NKAIN2: variants seen among roughly 807,000 people sequenced by gnomAD.
NKAIN2 encodes sodium/potassium-transporting ATPase subunit beta-1-interacting protein 2.
NKAIN2 carries 14 observed loss-of-function variants against 32.6 expected under a neutral mutation model. The observed-to-expected ratio is 0.43, with a 90% CI of 0.28 to 0.67. NKAIN2 has a LOEUF of 0.67. Among genes scored for constraint, NKAIN2 ranks in the 30% least tolerant of loss-of-function variants. The pLI is 0.17. For missense variants in NKAIN2, 198 were observed against 258.3 expected, an observed-to-expected ratio of 0.77 and a Z score of 1.60; for synonymous variants, 80 against 87.2, an observed-to-expected ratio of 0.92 and a Z score of 0.46.
At chr6:124,243,876 C>G (rs570222719) in intron 1 of NKAIN2, among the ~76,000 whole-genome samples, 77 of 152,028 alleles carry the variant, frequency 5.1e-4, no homozygotes, top group Non-Finnish European at 9.9e-4. Flanking sequence ...ATTTTGTTCT[C>G]AAATTATTAT....
At chr6:124,103,648 C>A (rs1294886136) in intron 1 of NKAIN2, among the ~76,000 whole-genome samples, 1 of 152,062 alleles carries the variant, frequency 6.6e-6, no homozygotes, top group African/African-American at 2.4e-5. Context: ...ATCATTATAC[C>A]ACTTTTTAAG....
intron 3 of NKAIN2, among the ~76,000 whole-genome samples, chr6:124,404,323 G>A (rs955901779): frequency 1.3e-5 from 2 of 152,130 alleles, no homozygotes; most frequent in Non-Finnish European, 2.9e-5. Context: ...GGGTTCACCA[G>A]GGATCACTTT....
At chr6:124,774,420 A>G (rs1395738134) in intron 4 of NKAIN2, among the ~76,000 whole-genome samples, 2 of 152,190 alleles carry the variant, frequency 1.3e-5, no homozygotes, top group Non-Finnish European at 2.9e-5. Context: ...CAGAACAGCT[A>G]TGGATACAGT....
Position 123,956,954 on chromosome 6 carries a change from C to T in NKAIN2, c.54+152700C>T, listed in dbSNP as rs572211318. On this transcript the variant is annotated intron_variant, in intron 1 of 6. Coordinates refer to ENST00000368417, the MANE Select transcript of NKAIN2 (RefSeq NM_001040214.3). Reference sequence around the variant, plus strand: ...ATTAACTTTTAAGTTCAGGAGTACACGGGCAGATTTGTTATAAAGGTAAGC... The same window carrying T: ...ATTAACTTTTAAGTTCAGGAGTACATGGGCAGATTTGTTATAAAGGTAAGC... Among the ~76,000 whole-genome samples, 242 of 152,244 alleles carry T rather than the reference C, an allele frequency of 1.6e-3. 1 individual carries two copies. The highest frequency in any genetic ancestry group is 5.5e-3 in the African/African-American group (227 of 41,546).
intron 3 of NKAIN2, among the ~76,000 whole-genome samples, chr6:124,580,545 C>T (rs1431457348): frequency 4.6e-5 from 7 of 152,032 alleles, no homozygotes; most frequent in Admixed American, 3.9e-4. Flanking sequence ...GAAATTAAAA[C>T]ATACCACCAG....
intron 1 of NKAIN2, among the ~76,000 whole-genome samples, chr6:124,118,930 T>TAG (rs1437956717): frequency 1.3e-5 from 2 of 152,168 alleles, no homozygotes; most frequent in Non-Finnish European, 2.9e-5. Flanking sequence ...TTTAAGCAGT[T>TAG]AGATGGTGAG....
intron 1 of NKAIN2, among the ~76,000 whole-genome samples, chr6:123,873,642 A>T (rs1379773424): frequency 6.6e-6 from 1 of 152,182 alleles, no homozygotes; most frequent in Non-Finnish European, 1.5e-5. Flanking sequence ...AAGTAGGCAG[A>T]TTCTGAAAAT....
chr6:124,286,320 A>G (rs1325516242), intron 2 of NKAIN2, among the ~76,000 whole-genome samples: 1 of 152,108 alleles, frequency 6.6e-6, no homozygotes, highest in Non-Finnish European at 1.5e-5. Flanking sequence ...ATCATTTCCA[A>G]CAAAAATACT....
chr6:123,872,636 T>G (rs573354761), intron 1 of NKAIN2, among the ~76,000 whole-genome samples: 5 of 152,248 alleles, frequency 3.3e-5, no homozygotes, highest in Admixed American at 2.0e-4. Context: ...GAACCCAGAG[T>G]TCTCATGAAC....
At chr6:123,806,483 G>T (rs1441380007) in intron 1 of NKAIN2, among the ~76,000 whole-genome samples, 1 of 152,022 alleles carries the variant, frequency 6.6e-6, no homozygotes, top group Non-Finnish European at 1.5e-5. Flanking sequence ...TACGGTATTT[G>T]ATTTTAAATA....
At chr6:124,135,864 T>G (rs1467561543) in intron 1 of NKAIN2, among the ~76,000 whole-genome samples, 1 of 152,080 alleles carries the variant, frequency 6.6e-6, no homozygotes, top group Non-Finnish European at 1.5e-5. Flanking sequence ...CCAAAACCTC[T>G]GGGATACAGC....
chr6:124,267,481 TAAAAAAAAAAAA>T (rs71541244), intron 1 of NKAIN2, among the ~76,000 whole-genome samples: 2 of 97,750 alleles, frequency 2.0e-5, no homozygotes, highest in Non-Finnish European at 4.3e-5. Flanking sequence ...ACCATGTCTC[TAAAAAAAAAAAA>T]AAAAAAAAAG....
intron 3 of NKAIN2, among the ~76,000 whole-genome samples, chr6:124,626,722 GC>G (rs916314672): frequency 6.6e-6 from 1 of 152,058 alleles, no homozygotes; most frequent in African/African-American, 2.4e-5. Context: ...TATATTCAGG[GC>G]CACCACATAC....
rs1017640165 is a variant in NKAIN2 at position 124,303,208 on chromosome 6, T to C, written c.192+20066T>C. On this transcript the variant is annotated intron_variant, in intron 2 of 6. Transcript: ENST00000368417. ...TTAAAATACAGAATGATATGATTAA[T>C]TTTAAATAGATTTTAAACAGAAAAT... is the stretch of plus-strand genomic sequence containing the variant. 2.0e-5 allele frequency among the ~76,000 whole-genome samples: 3 copies of C among 152,204 alleles called. 1 individual carries two copies. Among genetic ancestry groups the C allele is most frequent in the Admixed American group, 2.0e-4 (3 of 15,278 alleles).
At chr6:124,380,247 A>C (rs1192955415) in intron 3 of NKAIN2, among the ~76,000 whole-genome samples, 4 of 152,134 alleles carry the variant, frequency 2.6e-5, no homozygotes, top group African/African-American at 4.8e-5. Context: ...TTCCTTAAGA[A>C]GTAACTATGC....
At chr6:124,237,722 T>C (rs1792851650) in intron 1 of NKAIN2, among the ~76,000 whole-genome samples, 1 of 152,144 alleles carries the variant, frequency 6.6e-6, no homozygotes, top group Admixed American at 6.6e-5. Flanking sequence ...GAAAGTGTAG[T>C]AAAATGCATT....
At chr6:124,531,010 C>A (rs1032138595) in intron 3 of NKAIN2, among the ~76,000 whole-genome samples, 7 of 152,164 alleles carry the variant, frequency 4.6e-5, no homozygotes, top group African/African-American at 1.7e-4. Context: ...CATAAATACC[C>A]CCATAGACAT....
At chr6:124,175,287 A>G (rs1359533173) in intron 1 of NKAIN2, among the ~76,000 whole-genome samples, 1 of 152,194 alleles carries the variant, frequency 6.6e-6, no homozygotes, top group African/African-American at 2.4e-5. Flanking sequence ...TAGGCTGCAC[A>G]TCTGTATGAA....
chr6:124,029,839 G>C (rs1267605407), intron 1 of NKAIN2, among the ~76,000 whole-genome samples: 2 of 152,090 alleles, frequency 1.3e-5, no homozygotes, highest in Non-Finnish European at 2.9e-5. Flanking sequence ...CTTCCTGTTA[G>C]ATCAGTGGCA....
Sources: allele counts gnomAD v4.1 joint callset (sites outside exome capture counted in the v4.1 genomes callset), GRCh38; gene constraint gnomAD v4.1.1; transcripts MANE v1.5; gene names NCBI Gene and HGNC (gene_info 2026-07-23, HGNC 2026-07-21).